EFR3A: variants seen among roughly 807,000 people sequenced by gnomAD.
EFR3A encodes the protein EFR3 homolog A.
A neutral mutation model predicts 104.4 loss-of-function variants in EFR3A; 76 were observed. The observed-to-expected ratio is 0.73, with a 90% CI of 0.60 to 0.88. The LOEUF (loss-of-function observed/expected upper bound fraction) is 0.88, where lower values mean the gene tolerates loss of function less well. EFR3A is among the 40% of genes least tolerant of loss of function. EFR3A has a pLI of 0.00. For missense variants in EFR3A, 985 were observed against 1,012.5 expected (o/e 0.97, Z 0.37); for synonymous variants, 330 against 330.0 (o/e 1.00, Z 0.00).
At chr8:131,944,646 A>T in intron 2 of EFR3A, 99 bp from the exon 3 acceptor site, 7 of 1,199,914 alleles carry the variant, frequency 5.8e-6, no homozygotes, top group Non-Finnish European at 6.8e-6. Flanking sequence ...ATATCGTTTA[A>T]TCCCCAATCC....
chr8:131,965,327 G>C (rs1819640090), intron 8 of EFR3A, among the ~76,000 whole-genome samples: 1 of 152,026 alleles, frequency 6.6e-6, no homozygotes, highest in South Asian at 2.1e-4. Flanking sequence ...TCTGACGAAG[G>C]GCTAATATGC....
At chr8:132,003,417 A>G in intron 22 of EFR3A, 132 bp downstream of exon 22, 2 of 838,580 alleles carry the variant, frequency 2.4e-6, no homozygotes, top group Non-Finnish European at 3.8e-6. Context: ...GATTAACATA[A>G]GATCATATAG....
chr8:131,970,672 C>A, intron 10 of EFR3A, 29 bp downstream of exon 10: 2 of 1,592,916 alleles, frequency 1.3e-6, no homozygotes, highest in Non-Finnish European at 8.6e-7. Flanking sequence ...TCAAAACTAT[C>A]ATGTAAAACA....
At chr8:132,002,581 G>T (rs553408030) in intron 20 of EFR3A, 22 bp from the exon 21 acceptor site, 1 of 1,576,528 alleles carries the variant, frequency 6.3e-7, no homozygotes, top group Non-Finnish European at 8.7e-7. Context: ...CCTTTAATAA[G>T]TCTTTATAAA....
At chr8:131,918,818 A>C (rs1363026894) in intron 1 of EFR3A, among the ~76,000 whole-genome samples, 1 of 152,216 alleles carries the variant, frequency 6.6e-6, no homozygotes, top group Non-Finnish European at 1.5e-5. Context: ...ATGAGGAAAT[A>C]AAATTTTTTA....
At chr8:131,915,446 A>G (rs1444506969) in intron 1 of EFR3A, among the ~76,000 whole-genome samples, 1 of 152,120 alleles carries the variant, frequency 6.6e-6, no homozygotes, top group Non-Finnish European at 1.5e-5. Flanking sequence ...CTCTTAGCAA[A>G]TATTTTTGGG....
In EFR3A at chr8:131,971,941, G is replaced by A. The variant is rs886703380; in HGVS notation, c.1159+1298G>A. 4.6e-5 allele frequency among the ~76,000 whole-genome samples: 7 copies of A among 152,144 alleles called. No individual in the cohort carries two copies. The South Asian group carries it at 6.2e-4, about 14-fold the overall frequency. ...ATTCTGCTTTTCATCCAGACTTAAG[G>A]TTAGATCTAGCAATCATTTATAATT... is the stretch of plus-strand genomic sequence containing the variant. On this transcript the variant is annotated intron_variant, in intron 10 of 22. Coordinates refer to ENST00000254624, the MANE Select transcript of EFR3A (RefSeq NM_015137.6).
At chr8:132,001,615 G>C (rs1821783314) in intron 19 of EFR3A, 144 bp from the exon 20 acceptor site, 2 of 655,366 alleles carry the variant, frequency 3.1e-6, no homozygotes, top group Admixed American at 5.5e-5. Flanking sequence ...TGGTACTGTG[G>C]AGTATAATCA....
In EFR3A at chr8:131,904,108, C is replaced by G. The variant is rs1028026590; in HGVS notation, c.-205C>G. 2 of 496,970 alleles carry G rather than the reference C, an allele frequency of 4.0e-6. No homozygotes were observed. Among genetic ancestry groups the G allele is most frequent in the African/African-American group, 4.0e-5 (2 of 49,832 alleles). 30.8% of individuals were successfully genotyped at this position (496,970 alleles called of 1,614,324 possible). ...GGCGTGGGTCGTCCGTCGCGCCGCC[C>G]GGCGAGGAGTGGGCTGGCGGCGGTA... is the stretch of plus-strand genomic sequence containing the variant. On this transcript the variant is annotated 5_prime_UTR_variant, in exon 1 of 23. Coordinates refer to ENST00000254624, the MANE Select transcript of EFR3A (RefSeq NM_015137.6).
chr8:131,963,489 T>C lies in EFR3A; in HGVS notation c.855+3826T>C, dbSNP rs538039498. ...AATCTAGAAGAAATAGTTAAATTCCTGGACACACACACCCTCACAAGACTA... is the reference window on the plus strand; with the variant it reads ...AATCTAGAAGAAATAGTTAAATTCCCGGACACACACACCCTCACAAGACTA... On this transcript the variant is annotated intron_variant, in intron 8 of 22. Transcript: ENST00000254624. Among the ~76,000 whole-genome samples, 3 of 152,322 alleles carry C rather than the reference T, an allele frequency of 2.0e-5. No individual in the cohort carries two copies. The South Asian group carries it at 6.2e-4, about 32-fold the overall frequency.
intron 18 of EFR3A, among the ~76,000 whole-genome samples, chr8:131,993,697 C>T (rs1586666004): frequency 6.6e-6 from 1 of 150,572 alleles, no homozygotes; most frequent in African/African-American, 2.4e-5. Context: ...AGAGTTGAGA[C>T]CAGCTTGAGA....
At chr8:131,984,845 C>G in intron 15 of EFR3A, 84 bp from the exon 16 acceptor site, 2 of 1,257,448 alleles carry the variant, frequency 1.6e-6, no homozygotes, top group Non-Finnish European at 1.1e-6. Flanking sequence ...TTCCAAACTA[C>G]CTGCAGTTTT....
At chr8:131,978,561 A>G (rs953830401) in intron 12 of EFR3A, among the ~76,000 whole-genome samples, 1 of 152,118 alleles carries the variant, frequency 6.6e-6, no homozygotes, top group African/African-American at 2.4e-5. Context: ...ACTAGTGTCT[A>G]CCTTACAGGG....
intron 1 of EFR3A, among the ~76,000 whole-genome samples, chr8:131,913,458 A>G (rs1816612137): frequency 6.9e-6 from 1 of 145,560 alleles, no homozygotes; most frequent in Admixed American, 6.9e-5. Flanking sequence ...AGGAAACACT[A>G]GTCAGGTTTT....
In EFR3A at chr8:131,961,756, G is replaced by A. The variant is rs986265420; in HGVS notation, c.855+2093G>A. Among the ~76,000 whole-genome samples, 1,017 of 152,246 alleles carry A rather than the reference G, an allele frequency of 6.7e-3. 4 individuals are homozygous for A. The highest frequency in any genetic ancestry group is 0.017 in the Middle Eastern group (5 of 294). ...AAGAGCAACTCCAAGACACATAATT[G>A]TCAGATTCACCAAAGTTGAAATGAA... On this transcript the variant is annotated intron_variant, in intron 8 of 22. Transcript: ENST00000254624.
chr8:132,011,127 CT>C lies in EFR3A; in HGVS notation c.*237del. ...TAATTTGCTTTGAGGTTCCTGTTGCCTTTTTAAGTTGAACATGTTTTGGTTT... is the reference window on the plus strand; with the variant it reads ...TAATTTGCTTTGAGGTTCCTGTTGCCTTTTAAGTTGAACATGTTTTGGTTT... On this transcript the variant is annotated 3_prime_UTR_variant, in exon 23 of 23. Transcript: ENST00000254624. 8.4e-7 allele frequency: 1 copy of C among 1,190,312 alleles called. No individual in the cohort carries two copies. Among genetic ancestry groups the C allele is most frequent in the East Asian group, 3.4e-5 (1 of 29,044 alleles). 73.7% of individuals were successfully genotyped at this position (1,190,312 alleles called of 1,614,324 possible).
At chr8:132,003,424 A>G (rs1407576556) in intron 22 of EFR3A, 139 bp downstream of exon 22, 5 of 794,594 alleles carry the variant, frequency 6.3e-6, no homozygotes, top group Non-Finnish European at 1.0e-5. Flanking sequence ...ATAAGATCAT[A>G]TAGGTGATCC....
At position 131,996,507 on chromosome 8, in the gene EFR3A, T is replaced by G; in HGVS notation, c.2157+10T>G. The G allele has an allele frequency of 6.4e-7, 1 of 1,563,070 alleles. No homozygotes were observed. Among genetic ancestry groups the G allele is most frequent in the Non-Finnish European group, 8.7e-7 (1 of 1,148,186 alleles). On this transcript the variant is annotated intron_variant, in intron 19 of 22. Coordinates refer to ENST00000254624, the MANE Select transcript of EFR3A (RefSeq NM_015137.6). ...TCCTTCTGATGATGTGGTAAGTTAC[T>G]GAAAGTTTATGGTAGAGTACTGTCT...
intron 10 of EFR3A, among the ~76,000 whole-genome samples, chr8:131,974,699 T>C (rs1359963238): frequency 6.6e-6 from 1 of 152,236 alleles, no homozygotes; most frequent in Non-Finnish European, 1.5e-5. Flanking sequence ...TAAATATGTA[T>C]TCCGTAAGTG....
Sources: allele counts gnomAD v4.1 joint callset (sites outside exome capture counted in the v4.1 genomes callset), GRCh38; gene constraint gnomAD v4.1.1; transcripts MANE v1.5; gene names NCBI Gene and HGNC (gene_info 2026-07-23, HGNC 2026-07-21).